TAS1R1: variants seen among roughly 807,000 people sequenced by gnomAD.
The protein encoded by TAS1R1 is taste 1 receptor member 1.
In TAS1R1, 31 loss-of-function variants were observed where a neutral mutation model predicts 45.8. That is an observed-to-expected ratio of 0.68 (90% CI 0.51 to 0.91). The LOEUF (loss-of-function observed/expected upper bound fraction) is 0.91, where lower values mean the gene tolerates loss of function less well. Among genes scored for constraint, TAS1R1 ranks in the 40% least tolerant of loss-of-function variants. TAS1R1 has a pLI of 0.00. For missense variants in TAS1R1, 1,051 were observed against 1,063.9 expected (o/e 0.99, Z 0.17); for synonymous variants, 437 against 448.4 (o/e 0.97, Z 0.32).
rs370542750 is a variant in TAS1R1, at chr1:6,570,386, C to T, written c.192-523C>T. Among the ~76,000 whole-genome samples the T allele has an allele frequency of 2.9e-4, 43 of 146,066 alleles. 1 individual carries two copies. The highest frequency in any genetic ancestry group is 9.9e-4 in the African/African-American group (39 of 39,354). On this transcript the variant is annotated intron_variant, in intron 1 of 5. Transcript: ENST00000333172. Reference sequence around the variant, plus strand: ...AAGGAGGGGATGGAGAAAAACAAAGCGAGGGGAACATCTGCCTTGGCGGAG... The same window carrying T: ...AAGGAGGGGATGGAGAAAAACAAAGTGAGGGGAACATCTGCCTTGGCGGAG...
At chr1:6,556,911 G>C (rs1167554933) in intron 1 of TAS1R1, among the ~76,000 whole-genome samples, 1 of 150,816 alleles carries the variant, frequency 6.6e-6, no homozygotes, top group Non-Finnish European at 1.5e-5. Flanking sequence ...TCAGGAGCCT[G>C]AGGCAGGAGA....
intron 2 of TAS1R1, among the ~76,000 whole-genome samples, chr1:6,571,834 C>A (rs1446304056): frequency 6.6e-6 from 1 of 151,984 alleles, no homozygotes; most frequent in Non-Finnish European, 1.5e-5. Flanking sequence ...ATCCTCCCCC[C>A]AAAAAAGGAC....
At chr1:6,567,299 G>A (rs775349964) in intron 1 of TAS1R1, among the ~76,000 whole-genome samples, 2 of 151,984 alleles carry the variant, frequency 1.3e-5, no homozygotes, top group African/African-American at 4.8e-5. Flanking sequence ...AGTGGCTCAC[G>A]CCTGTAATCC....
chr1:6,564,015 T>C (rs1203915232), intron 1 of TAS1R1, among the ~76,000 whole-genome samples: 2 of 152,102 alleles, frequency 1.3e-5, no homozygotes, highest in African/African-American at 4.8e-5. Context: ...GTCTGGGTAT[T>C]GTTTAAGGGT....
Position 6,576,984 on chromosome 1 carries a change from A to G in TAS1R1, c.1508A>G (p.Glu503Gly). The stretch of plus-strand genomic sequence containing the variant: ...TCTGTGTGTTCCAGCGACTGTCTTG[A>G]AGGGCACCAGCGAGTGGTTACGGGT... ...PKSVCSSDCL[E>G]GHQRVVTGFH... The change falls in exon 5 of 6, where the codon GAA (glutamate) becomes GGA (glycine). Residue 503 changes from glutamate to glycine, a missense_variant. Coordinates refer to ENST00000333172, the MANE Select transcript of TAS1R1 (RefSeq NM_138697.4). 1 of 1,614,236 alleles carries G rather than the reference A, an allele frequency of 6.2e-7. No individual in the cohort carries two copies. Among genetic ancestry groups the G allele is most frequent in the East Asian group, 2.2e-5 (1 of 44,890 alleles).
chr1:6,575,373 G>A lies in TAS1R1; in HGVS notation c.1241G>A (p.Gly414Asp), dbSNP rs1433713336. ...LGCASGACSR[G>D]RVYPWQLLEQ... is the part of the protein sequence containing the mutation. The stretch of plus-strand genomic sequence containing the variant: ...TGTGCCTCTGGAGCTTGTTCCAGGG[G>A]CCGAGTCTACCCCTGGCAGGTAAGA... Residue 414 changes from glycine to aspartate, a missense_variant, in exon 3 of 6, where the codon GGC becomes GAC. Transcript: ENST00000333172. The A allele has an allele frequency of 6.3e-7, 1 of 1,578,126 alleles. No homozygotes were observed. The highest frequency in any genetic ancestry group is 1.4e-5 in the African/African-American group (1 of 73,786).
chr1:6,572,174 C>T (rs1036196637), intron 2 of TAS1R1, among the ~76,000 whole-genome samples: 5 of 152,142 alleles, frequency 3.3e-5, no homozygotes, highest in Admixed American at 1.3e-4. Context: ...CCGATTCTGT[C>T]CCCACCACTC....
chr1:6,578,918 T>G lies in TAS1R1; in HGVS notation c.1860T>G (p.Tyr620Ter), dbSNP rs976441665. The change falls in exon 6 of 6, where the codon TAT (tyrosine) becomes TAG (stop). Residue 620 changes from tyrosine to a stop codon, truncating the protein, a stop_gained. Transcript: ENST00000333172. LOFTEE classifies it low-confidence loss of function (END_TRUNC). Reference protein sequence around the residue: ...GSLAAGSGSLYGFFGEPTRPA... With the variant: ...GSLAAGSGSL ...TGGCAGCAGGTAGTGGCAGCCTCTA[T>G]GGCTTCTTTGGGGAACCCACAAGGC... 9.9e-6 allele frequency: 16 copies of G among 1,613,272 alleles called. No homozygotes were observed. Among genetic ancestry groups the G allele is most frequent in the Non-Finnish European group, 1.4e-5 (16 of 1,179,574 alleles).
At position 6,574,591 on chromosome 1, in the gene TAS1R1, T is replaced by G. The variant is rs1450419472; in HGVS notation, c.499-40T>G. 6.4e-7 allele frequency: 1 copy of G among 1,565,046 alleles called. No homozygotes were observed. Among genetic ancestry groups the G allele is most frequent in the African/African-American group, 1.3e-5 (1 of 74,410 alleles). On this transcript the variant is annotated intron_variant, in intron 2 of 5. Transcript: ENST00000333172. The surrounding 1 kb of genome is among the most constrained non-coding windows in gnomAD (Gnocchi z 4.3). The stretch of plus-strand genomic sequence containing the variant: ...CACAGGGCCAGGCACTGGGGGGGCC[T>G]TCAGTGGAGACTGAAATGGCTGAAC...
chr1:6,574,628 TAGA>T lies in TAS1R1; in HGVS notation c.499-2_499del. 1 of 1,592,876 alleles carries T rather than the reference TAGA, an allele frequency of 6.3e-7. No individual in the cohort carries two copies. The highest frequency in any genetic ancestry group is 1.3e-5 in the African/African-American group (1 of 74,834). On this transcript the variant is annotated splice_acceptor_variant and coding_sequence_variant, in exon 3 of 6. Transcript: ENST00000333172. LOFTEE classifies it high-confidence loss of function. This position sits in a 1 kb window ranked among gnomAD's most constrained non-coding sequence, Gnocchi z 4.3. ...TGAAATGGCTGAACGGGACCTCCCA[TAGA>T]TTAGCTATGCGGCCAGCAGCGAGAC... is the stretch of plus-strand genomic sequence containing the variant.
At chr1:6,571,793 C>G in intron 2 of TAS1R1, among the ~76,000 whole-genome samples, 1 of 152,108 alleles carries the variant, frequency 6.6e-6, no homozygotes, top group African/African-American at 2.4e-5. Context: ...GCATTCCAGC[C>G]TGGGTGACAG....
At chr1:6,567,575 AAAG>A (rs1453361561) in intron 1 of TAS1R1, among the ~76,000 whole-genome samples, 6 of 150,828 alleles carry the variant, frequency 4.0e-5, no homozygotes, top group African/African-American at 1.5e-4. Context: ...AAAAAAAAAA[AAAG>A]AGGAGATCGG....
chr1:6,565,410 G>C (rs576519572), intron 1 of TAS1R1, among the ~76,000 whole-genome samples: 2 of 152,244 alleles, frequency 1.3e-5, no homozygotes, highest in South Asian at 4.1e-4. Context: ...TGCTGCTAGA[G>C]CTCTGAGGCA....
chr1:6,559,998 C>CAAAAA (rs58759461), intron 1 of TAS1R1, among the ~76,000 whole-genome samples: 10 of 97,858 alleles, frequency 1.0e-4, no homozygotes, highest in African/African-American at 4.0e-4. Flanking sequence ...AACTCTGTCT[C>CAAAAA]AAAAAAAAAA....
rs1203668376 is a variant in TAS1R1 at position 6,579,159 on chromosome 1, T to TG, written c.2103dup (p.Thr702AspfsTer6). ...TATCTGTCTAACTTGGCTGGTGGTGTGGACCCCACTGCCTGCTAGGGAATA... is the reference window on the plus strand; with the variant it reads ...TATCTGTCTAACTTGGCTGGTGGTGTGGGACCCCACTGCCTGCTAGGGAATA... On this transcript the variant is annotated frameshift_variant, in exon 6 of 6. Coordinates refer to ENST00000333172, the MANE Select transcript of TAS1R1 (RefSeq NM_138697.4). LOFTEE classifies it low-confidence loss of function (END_TRUNC). 5 of 1,614,232 alleles carry TG rather than the reference T, an allele frequency of 3.1e-6. No homozygotes were observed. The African/African-American group carries it at 6.7e-5, about 22-fold the overall frequency.
chr1:6,575,850 G>A (rs1640158033), intron 3 of TAS1R1, among the ~76,000 whole-genome samples: 1 of 151,916 alleles, frequency 6.6e-6, no homozygotes, highest in African/African-American at 2.4e-5. Flanking sequence ...CCGCCACCAC[G>A]CCCAGCTAAT....
intron 1 of TAS1R1, among the ~76,000 whole-genome samples, chr1:6,556,635 C>T (rs1232814243): frequency 6.6e-6 from 1 of 151,410 alleles, no homozygotes; most frequent in African/African-American, 2.4e-5. Flanking sequence ...CTCCCGACCT[C>T]AGGTGATCCG....
At position 6,574,028 on chromosome 1, in the gene TAS1R1, A is replaced by T. The variant is rs1170491473; in HGVS notation, c.499-603A>T. On this transcript the variant is annotated intron_variant, in intron 2 of 5. Coordinates refer to ENST00000333172, the MANE Select transcript of TAS1R1 (RefSeq NM_138697.4). The surrounding 1 kb of genome is among the most constrained non-coding windows in gnomAD (Gnocchi z 4.3). ...TAATGTAGAATCAGTGGGAGCCCTG[A>T]GCTTGTTTTCCTACAACTAGATGGT... Among the ~76,000 whole-genome samples, 1 of 152,142 alleles carries T rather than the reference A, an allele frequency of 6.6e-6. No individual in the cohort carries two copies. The highest frequency in any genetic ancestry group is 2.4e-5 in the African/African-American group (1 of 41,400).
intron 3 of TAS1R1, among the ~76,000 whole-genome samples, 171 bp downstream of exon 3, chr1:6,575,563 G>A (rs1423327448): frequency 2.0e-5 from 3 of 152,122 alleles, no homozygotes; most frequent in South Asian, 2.1e-4. Flanking sequence ...CTGTCACCCA[G>A]GCTGCAGTGT....
Sources: allele counts gnomAD v4.1 joint callset (sites outside exome capture counted in the v4.1 genomes callset), GRCh38; gene constraint gnomAD v4.1.1; non-coding constraint Gnocchi (gnomAD v3.1); transcripts MANE v1.5; gene names NCBI Gene and HGNC (gene_info 2026-07-23, HGNC 2026-07-21).